UGT1A9: variants seen among roughly 807,000 people sequenced by gnomAD.
The protein encoded by UGT1A9 is UDP glucuronosyltransferase family 1 member A9.
Under a neutral mutation model 45.0 loss-of-function variants are expected in UGT1A9, and 35 were observed. That is an observed-to-expected ratio of 0.78 (90% CI 0.59 to 1.03). UGT1A9 has a LOEUF of 1.03. Among genes scored for constraint, UGT1A9 ranks in the 50% least tolerant of loss-of-function variants. UGT1A9 has a pLI of 0.00. For synonymous variants in UGT1A9, 278 were observed against 250.6 expected (o/e 1.11, Z -1.03); for missense variants, 687 against 666.6 (o/e 1.03, Z -0.34).
chr2:233,768,054 A>T (rs1384127703), intron 3 of UGT1A9, 118 bp downstream of exon 3: 6 of 1,603,138 alleles, frequency 3.7e-6, no homozygotes, highest in Non-Finnish European at 5.1e-6. Context: ...CATATCCTAC[A>T]TTGCTTTTTA....
rs202172337 is a variant in UGT1A9 at position 233,772,279 on chromosome 2, T to C, written c.1313T>C (p.Met438Thr). The change falls in exon 5 of 5, where the codon ATG becomes ACG. Residue 438 changes from methionine to threonine, a missense_variant. Met to Thr is a moderately conservative substitution (Grantham distance 81). Transcript: ENST00000354728. ...GTGTTTAGTTACAAGGAGAACATCA[T>C]GCGCCTCTCCAGCCTTCACAAGGAC... is the stretch of plus-strand genomic sequence containing the variant. ...INDKSYKENI[M>T]RLSSLHKDRP... is the part of the protein sequence containing the mutation. 1.3e-4 allele frequency: 204 copies of C among 1,614,264 alleles called. No individual in the cohort carries two copies. Among genetic ancestry groups the C allele is most frequent in the East Asian group, 4.2e-4 (19 of 44,890 alleles).
chr2:233,768,439 G>C lies in UGT1A9; in HGVS notation c.1295G>C (p.Ser432Thr), dbSNP rs1306719122. 1 of 1,613,244 alleles carries C rather than the reference G, an allele frequency of 6.2e-7. No homozygotes were observed. The highest frequency in any genetic ancestry group is 1.1e-5 in the South Asian group (1 of 90,868). ...NALKAVINDK[S>T]YKENIMRLSS... ...CTAAAAGCAGTCATCAATGACAAAA[G>C]GTAAGAAAGAAGATACAGAAGAATA... The change falls in exon 4 of 5, where the codon AGT becomes ACT. Residue 432 changes from serine (S) to threonine (T), a missense_variant and splice_region_variant. By Grantham distance (58) the Ser-to-Thr change is moderately conservative. Transcript: ENST00000354728.
intron 1 of UGT1A9, chr2:233,754,156 G>C (rs1695408372): frequency 6.5e-6 from 1 of 153,422 alleles, no homozygotes; most frequent in African/African-American, 2.4e-5. Flanking sequence ...AATTAAGCCA[G>C]AGTATTAATA....
chr2:233,759,584 C>G (rs1003659930), intron 1 of UGT1A9, among the ~76,000 whole-genome samples: 4 of 149,800 alleles, frequency 2.7e-5, no homozygotes, highest in African/African-American at 9.9e-5. Flanking sequence ...TACCCCAGCA[C>G]GCCCCCCACC....
intron 1 of UGT1A9, among the ~76,000 whole-genome samples, chr2:233,762,202 T>C (rs1698001296): frequency 2.0e-5 from 3 of 152,160 alleles, no homozygotes; most frequent in Admixed American, 1.3e-4. Flanking sequence ...GGTCTGCATG[T>C]ATTTGGCGCC....
chr2:233,684,813 AG>A (rs2074702770), intron 1 of UGT1A9, among the ~76,000 whole-genome samples: 1 of 152,236 alleles, frequency 6.6e-6, no homozygotes, highest in South Asian at 2.1e-4. Context: ...CAACCACAAA[AG>A]TAAATTGTCA....
chr2:233,702,417 G>A lies in UGT1A9; in HGVS notation c.855+29628G>A, dbSNP rs1157747013. ...CATGTTATCTACAAATAGAGATAGCGTTACTTCTTCCTTTCTAATAAGGAT... is the reference window on the plus strand; with the variant it reads ...CATGTTATCTACAAATAGAGATAGCATTACTTCTTCCTTTCTAATAAGGAT... On this transcript the variant is annotated intron_variant, in intron 1 of 4. Transcript: ENST00000354728. 7.2e-5 allele frequency among the ~76,000 whole-genome samples: 11 copies of A among 151,972 alleles called. No individual in the cohort carries two copies. The East Asian group carries it at 1.9e-3, about 27-fold the overall frequency.
chr2:233,768,643 G>T (rs1699688311), intron 4 of UGT1A9, among the ~76,000 whole-genome samples: 1 of 136,596 alleles, frequency 7.3e-6, no homozygotes. Context: ...CTGGAGTGCA[G>T]TGGTGCAATC....
intron 1 of UGT1A9, among the ~76,000 whole-genome samples, chr2:233,716,166 G>A (rs1366189269): frequency 6.6e-6 from 1 of 152,138 alleles, no homozygotes; most frequent in Non-Finnish European, 1.5e-5. Flanking sequence ...GAGATGCAGT[G>A]CAGCATCTTC....
chr2:233,730,084 A>C (rs962499834), intron 1 of UGT1A9: 1 of 1,601,106 alleles, frequency 6.2e-7, no homozygotes, highest in Admixed American at 1.7e-5. Context: ...ATATTTACTT[A>C]TCTTTCCAAA....
intron 1 of UGT1A9, among the ~76,000 whole-genome samples, chr2:233,766,746 G>A (rs1202459280): frequency 2.0e-5 from 3 of 152,150 alleles, no homozygotes; most frequent in Non-Finnish European, 4.4e-5. Context: ...GTACAGGTGT[G>A]TGCATGTGTG....
Position 233,755,111 on chromosome 2 carries a change from G to A in UGT1A9, c.856-11923G>A, listed in dbSNP as rs41264157. 3,233 of 1,331,410 alleles carry A rather than the reference G, an allele frequency of 2.4e-3. 9 individuals carry two copies. Among genetic ancestry groups the A allele is most frequent in the Non-Finnish European group, 3.0e-3 (2,941 of 989,376 alleles). 82.5% of individuals were successfully genotyped at this position (1,331,410 alleles called of 1,614,324 possible). A position where few individuals can be genotyped will look rare whatever the true frequency, so the allele number is the denominator to read the frequency against. On this transcript the variant is annotated intron_variant, in intron 1 of 4. Coordinates refer to ENST00000354728, the MANE Select transcript of UGT1A9 (RefSeq NM_021027.3). ...GTTTCTACGCGTCCGACAACACCTC[G>A]TAGGCCTCAGCCACCTGCTTGAATC...
intron 1 of UGT1A9, chr2:233,718,616 C>T (rs573810131): frequency 3.5e-5 from 30 of 858,718 alleles, no homozygotes; most frequent in Admixed American, 3.1e-4. Context: ...TCAAGATAGG[C>T]GTGATTGGTC....
chr2:233,719,172 A>G, intron 1 of UGT1A9: 2 of 1,614,250 alleles, frequency 1.2e-6, no homozygotes, highest in Non-Finnish European at 1.7e-6. Flanking sequence ...GGCAATTATG[A>G]ACAATGTATC....
intron 1 of UGT1A9, among the ~76,000 whole-genome samples, chr2:233,689,708 T>C (rs1575441834): frequency 6.6e-6 from 1 of 152,206 alleles, no homozygotes; most frequent in Non-Finnish European, 1.5e-5. Context: ...TTTCCCCTTA[T>C]CTGAGGTCTG....
chr2:233,740,352 A>G (rs2125828871), intron 1 of UGT1A9, among the ~76,000 whole-genome samples: 1 of 152,070 alleles, frequency 6.6e-6, no homozygotes, highest in South Asian at 2.1e-4. Flanking sequence ...AGAAAGTGGA[A>G]TTAGAAATTC....
rs1559354057 is a variant in UGT1A9 at position 233,705,289 on chromosome 2, C to T, written c.855+32500C>T. Among the ~76,000 whole-genome samples, 7 of 152,252 alleles carry T rather than the reference C, an allele frequency of 4.6e-5. 1 individual carries two copies. In the Middle Eastern group the frequency reaches 0.017, roughly 370 times the overall value. ...ACTTGCTTTCAACCTGAAGAACTTC[C>T]TTTAGTATTTCTTGTAAGTTGAGTT... On this transcript the variant is annotated intron_variant, in intron 1 of 4. Transcript: ENST00000354728.
In UGT1A9 at chr2:233,772,428, G is replaced by A. The variant is rs747543462; in HGVS notation, c.1462G>A (p.Val488Met). The change falls in exon 5 of 5, where the codon GTG becomes ATG. Residue 488 changes from valine (V) to methionine (M), a missense_variant. Coordinates refer to ENST00000354728, the MANE Select transcript of UGT1A9 (RefSeq NM_021027.3). ...CTGGTACCAGTACCATTCCTTGGAC[G>A]TGATTGGTTTCCTCTTGGCCGTCGT... The part of the protein sequence containing the change: ...LTWYQYHSLD[V>M]IGFLLAVVLT... 9 of 1,614,096 alleles carry A rather than the reference G, an allele frequency of 5.6e-6. No homozygotes were observed. The highest frequency in any genetic ancestry group is 3.3e-5 in the Admixed American group (2 of 60,006).
chr2:233,702,349 GTT>G (rs545005076), intron 1 of UGT1A9, among the ~76,000 whole-genome samples: 1 of 151,098 alleles, frequency 6.6e-6, no homozygotes, highest in Admixed American at 6.6e-5. Context: ...TGTTCTAATA[GTT>G]TTTTTTTAGT....
Sources: allele counts gnomAD v4.1 joint callset (sites outside exome capture counted in the v4.1 genomes callset), GRCh38; gene constraint gnomAD v4.1.1; transcripts MANE v1.5; gene names NCBI Gene and HGNC (gene_info 2026-07-23, HGNC 2026-07-21).